ENOX1: variants seen among roughly 807,000 people sequenced by gnomAD.
ENOX1 encodes candidate growth-related and time keeping constitutive hydroquinone (NADH) oxidase.
A neutral mutation model predicts 82.5 loss-of-function variants in ENOX1; 42 were observed. The observed-to-expected ratio is 0.51, with a 90% CI of 0.40 to 0.66. The LOEUF (loss-of-function observed/expected upper bound fraction) is 0.66. ENOX1 is among the 30% of genes least tolerant of loss of function. The pLI is 0.00. For missense variants in ENOX1, 608 were observed against 811.6 expected (o/e 0.75, Z 3.05); for synonymous variants, 271 against 282.2 (o/e 0.96, Z 0.40).
At chr13:43,397,552 T>C (rs1436216835) in intron 5 of ENOX1, among the ~76,000 whole-genome samples, 1 of 152,234 alleles carries the variant, frequency 6.6e-6, no homozygotes, top group Admixed American at 6.5e-5. Context: ...TCTTTAAAGA[T>C]GCCCTTGTGG....
At chr13:43,230,061 A>T (rs1320237749) in intron 15 of ENOX1, among the ~76,000 whole-genome samples, 1 of 152,210 alleles carries the variant, frequency 6.6e-6, no homozygotes, top group Non-Finnish European at 1.5e-5. Context: ...AGGCCTCAAG[A>T]CTGAAGGCTG....
At chr13:43,681,686 A>AACACAC (rs3044219) in intron 1 of ENOX1, among the ~76,000 whole-genome samples, 1,840 of 135,318 alleles carry the variant, frequency 0.014, 18 homozygotes, top group South Asian at 0.028. Context: ...ATAATGCATA[A>AACACAC]ACACACACAC....
intron 15 of ENOX1, among the ~76,000 whole-genome samples, chr13:43,224,534 A>G (rs996163195): frequency 2.0e-5 from 3 of 152,244 alleles, no homozygotes; most frequent in African/African-American, 7.2e-5. Flanking sequence ...AATGGCTCAT[A>G]CAACTGTGTC....
chr13:43,288,771 ACATTGCAACTTAATTTCCAAACTTTCT>A (rs1307938070), intron 12 of ENOX1, among the ~76,000 whole-genome samples: 1 of 152,204 alleles, frequency 6.6e-6, no homozygotes, highest in African/African-American at 2.4e-5. Flanking sequence ...TCCTCCTGAT[ACATTGCAACTTAATTTCCAAACTTTCT>A]ATCTTTAGTT....
intron 3 of ENOX1, among the ~76,000 whole-genome samples, chr13:43,415,027 G>C (rs1351848314): frequency 6.6e-6 from 1 of 152,134 alleles, no homozygotes; most frequent in Non-Finnish European, 1.5e-5. Flanking sequence ...AAGTGTCCTG[G>C]AGACCCATCG....
At chr13:43,634,409 T>G (rs117610242) in intron 2 of ENOX1, among the ~76,000 whole-genome samples, 1 of 152,208 alleles carries the variant, frequency 6.6e-6, no homozygotes, top group African/African-American at 2.4e-5. Flanking sequence ...ATTTACCACC[T>G]ACGATGGATT....
intron 11 of ENOX1, among the ~76,000 whole-genome samples, chr13:43,300,098 C>G (rs760687914): frequency 2.0e-5 from 3 of 152,178 alleles, no homozygotes; most frequent in Non-Finnish European, 2.9e-5. Context: ...AACTACTAAT[C>G]AGACAGAACA....
chr13:43,462,103 G>A (rs921922676), intron 3 of ENOX1, among the ~76,000 whole-genome samples: 3 of 152,150 alleles, frequency 2.0e-5, no homozygotes, highest in Admixed American at 6.5e-5. Flanking sequence ...CAAGAACCCC[G>A]AGGGACCCAC....
At chr13:43,676,905 G>A (rs774457099) in intron 1 of ENOX1, among the ~76,000 whole-genome samples, 3 of 151,564 alleles carry the variant, frequency 2.0e-5, no homozygotes, top group Non-Finnish European at 4.4e-5. Context: ...TGGTTGTCTT[G>A]CCAATACTTT....
At chr13:43,730,476 A>G (rs529252745) in intron 1 of ENOX1, among the ~76,000 whole-genome samples, 2 of 152,272 alleles carry the variant, frequency 1.3e-5, no homozygotes, top group South Asian at 4.1e-4. Flanking sequence ...TTTTACCAAC[A>G]AGATTTTAAT....
At chr13:43,308,090 A>G (rs186066434) in intron 11 of ENOX1, among the ~76,000 whole-genome samples, 38 of 152,316 alleles carry the variant, frequency 2.5e-4, no homozygotes, top group African/African-American at 8.9e-4. Context: ...CTAGAGGTAG[A>G]GAAAGGCAGA....
intron 1 of ENOX1, among the ~76,000 whole-genome samples, chr13:43,775,809 A>G (rs1200502682): frequency 1.3e-5 from 2 of 152,112 alleles, no homozygotes; most frequent in African/African-American, 2.4e-5. Flanking sequence ...AGTCACCACA[A>G]TGCCCCACTG....
In ENOX1 at chr13:43,226,837, A is replaced by T. The variant is rs191513426; in HGVS notation, c.1715-2699T>A. Among the ~76,000 whole-genome samples the T allele has an allele frequency of 5.3e-5, 8 of 152,340 alleles. No homozygotes were observed. In the East Asian group the frequency reaches 1.5e-3, roughly 29 times the overall value. ...GGGGAGCAGCATTCCTCGGGTGGAC[A>T]TCTGCTTACGCAGCAGGGCTGAGAC... On this transcript the variant is annotated intron_variant, in intron 15 of 16. Transcript: ENST00000690772.
chr13:43,606,352 T>C (rs1200104932), intron 2 of ENOX1, among the ~76,000 whole-genome samples: 3 of 152,210 alleles, frequency 2.0e-5, no homozygotes, highest in Non-Finnish European at 4.4e-5. Context: ...AAGAGATATC[T>C]GCACTCTCAT....
At chr13:43,668,976 A>G (rs1276187604) in intron 1 of ENOX1, among the ~76,000 whole-genome samples, 1 of 152,246 alleles carries the variant, frequency 6.6e-6, no homozygotes, top group Non-Finnish European at 1.5e-5. Flanking sequence ...TGCATGAGCT[A>G]TAAATGTGAC....
At chr13:43,505,965 C>T (rs1224846549) in intron 2 of ENOX1, among the ~76,000 whole-genome samples, 1 of 152,048 alleles carries the variant, frequency 6.6e-6, no homozygotes, top group Non-Finnish European at 1.5e-5. Flanking sequence ...CAGCTTTCTA[C>T]ATATGGCTAG....
intron 9 of ENOX1, among the ~76,000 whole-genome samples, chr13:43,343,606 T>C (rs890625693): frequency 6.6e-6 from 1 of 151,944 alleles, no homozygotes; most frequent in African/African-American, 2.4e-5. Flanking sequence ...AGATACATTA[T>C]TCCTTGTGTT....
At chr13:43,603,477 G>C (rs1041511416) in intron 2 of ENOX1, among the ~76,000 whole-genome samples, 1 of 151,376 alleles carries the variant, frequency 6.6e-6, no homozygotes, top group East Asian at 1.9e-4. Context: ...ATGCTGGTGT[G>C]CTGCACCCAT....
chr13:43,427,471 A>T (rs2055384841), intron 3 of ENOX1, among the ~76,000 whole-genome samples: 1 of 152,240 alleles, frequency 6.6e-6, no homozygotes, highest in African/African-American at 2.4e-5. Context: ...GTCTGTTGTT[A>T]CAGATTTGGG....
Sources: allele counts gnomAD v4.1 joint callset (sites outside exome capture counted in the v4.1 genomes callset), GRCh38; gene constraint gnomAD v4.1.1; transcripts MANE v1.5; gene names NCBI Gene and HGNC (gene_info 2026-07-23, HGNC 2026-07-21).